The following OXR1 variants were observed in gnomAD, a reference collection of about 807,000 sequenced individuals.
OXR1 encodes oxidation resistance protein 1.
In OXR1, 41 loss-of-function variants were observed where a neutral mutation model predicts 104.6. That is an observed-to-expected ratio of 0.39 (90% CI 0.31 to 0.51). The LOEUF (loss-of-function observed/expected upper bound fraction) is 0.51, where lower values mean the gene tolerates loss of function less well. OXR1 is among the 20% of genes least tolerant of loss of function. The probability of loss-of-function intolerance (pLI) is 0.77; values close to 1 mark genes in which losing one functional copy is unlikely to be tolerated. For synonymous variants in OXR1, 348 were observed against 348.4 expected (o/e 1.00, Z 0.01); for missense variants, 955 against 1,031.9 (o/e 0.93, Z 1.02).
chr8:106,681,008 A>T (rs1408481879), intron 4 of OXR1, among the ~76,000 whole-genome samples: 1 of 152,120 alleles, frequency 6.6e-6, no homozygotes, highest in Non-Finnish European at 1.5e-5. Context: ...TCTTAGTTGA[A>T]ATCTTGTACC....
chr8:106,535,538 A>G lies in OXR1; in HGVS notation c.220+16399A>G, dbSNP rs898992025. On this transcript the variant is annotated intron_variant, in intron 3 of 16. Coordinates refer to ENST00000517566, the MANE Select transcript of OXR1 (RefSeq NM_001198533.2). The stretch of plus-strand genomic sequence containing the variant: ...AATGTAAACACAAAGCCCCAAGGAG[A>G]TAAATCTCTGTTTCTCTCCTGAGCT... Among the ~76,000 whole-genome samples, 3 of 152,186 alleles carry G rather than the reference A, an allele frequency of 2.0e-5. No individual in the cohort carries two copies. In the East Asian group the frequency reaches 5.8e-4, roughly 29 times the overall value.
At chr8:106,487,757 AT>A (rs1380030677) in intron 2 of OXR1, among the ~76,000 whole-genome samples, 2 of 151,158 alleles carry the variant, frequency 1.3e-5, no homozygotes, top group East Asian at 2.0e-4. Context: ...TGAACTCATC[AT>A]TTTTTCTGGC....
chr8:106,368,990 A>G (rs138661357), intron 2 of OXR1, among the ~76,000 whole-genome samples: 40 of 152,318 alleles, frequency 2.6e-4, no homozygotes, highest in African/African-American at 8.7e-4. Flanking sequence ...GTCTTCCACA[A>G]TGGTTGAACT....
intron 2 of OXR1, chr8:106,447,895 G>A (rs1820081872): frequency 6.6e-7 from 1 of 1,504,112 alleles, no homozygotes; most frequent in Non-Finnish European, 8.9e-7. Context: ...CCAACAGCCG[G>A]GCTCCTGGCG....
rs1254567422 is a variant in OXR1 at position 106,703,164 on chromosome 8, A to AT, written c.860+79dup. 7.6e-6 allele frequency: 7 copies of AT among 919,450 alleles called. No individual in the cohort carries two copies. In the Admixed American group the frequency reaches 1.7e-4, roughly 23 times the overall value. 57.0% of individuals were successfully genotyped at this position (919,450 alleles called of 1,614,324 possible). On this transcript the variant is annotated intron_variant, in intron 8 of 16. Transcript: ENST00000517566. The stretch of plus-strand genomic sequence containing the variant: ...TTGACCCTTGTCTAATACCTTAACT[A>AT]TTTTTACTAGTTTTCTTATAGCTGC...
intron 3 of OXR1, among the ~76,000 whole-genome samples, chr8:106,627,043 A>G (rs1822231646): frequency 6.6e-6 from 1 of 152,118 alleles, no homozygotes; most frequent in Non-Finnish European, 1.5e-5. Flanking sequence ...CTCAAAGTAC[A>G]TGCACATGTT....
chr8:106,362,424 C>T (rs1188968688), intron 2 of OXR1, among the ~76,000 whole-genome samples: 1 of 152,088 alleles, frequency 6.6e-6, no homozygotes, highest in Non-Finnish European at 1.5e-5. Flanking sequence ...ATTCTCCCAG[C>T]TTTTAAATAC....
At chr8:106,346,308 C>T (rs1257205587) in intron 1 of OXR1, among the ~76,000 whole-genome samples, 1 of 152,044 alleles carries the variant, frequency 6.6e-6, no homozygotes, top group Non-Finnish European at 1.5e-5. Flanking sequence ...AAACTAAAAC[C>T]TCTCTACTTG....
At chr8:106,355,940 A>G (rs2130323633) in intron 1 of OXR1, among the ~76,000 whole-genome samples, 1 of 152,268 alleles carries the variant, frequency 6.6e-6, no homozygotes, top group Non-Finnish European at 1.5e-5. Context: ...ACAGAGTTAA[A>G]CAGCTGCGAG....
intron 3 of OXR1, among the ~76,000 whole-genome samples, chr8:106,639,810 C>A (rs1044032971): frequency 1.3e-5 from 2 of 152,110 alleles, no homozygotes; most frequent in Non-Finnish European, 2.9e-5. Flanking sequence ...ATTCCAGATG[C>A]TCCTAGAATA....
rs907633732 is a variant in OXR1, at chr8:106,442,696, A to G, written c.24-76247A>G. Among the ~76,000 whole-genome samples the G allele has an allele frequency of 7.2e-5, 11 of 152,046 alleles. No homozygotes were observed. In the East Asian group the frequency reaches 1.7e-3, roughly 24 times the overall value. ...CCATTTCTTCTAGATTTTCTAGTTT[A>G]TTTGCATAGAAGTGTTTATAGTATT... On this transcript the variant is annotated intron_variant, in intron 2 of 16. Coordinates refer to ENST00000517566, the MANE Select transcript of OXR1 (RefSeq NM_001198533.2).
chr8:106,450,758 AGGGT>A lies in OXR1; in HGVS notation c.24-68183_24-68180del, dbSNP rs1464820255. ...CTTTCATTTTACAGAGCTCTGAAAG[AGGGT>A]GCTTTTTTTTTTTTTAAGTTTTAGT... On this transcript the variant is annotated intron_variant, in intron 2 of 16. Transcript: ENST00000517566. Among the ~76,000 whole-genome samples the A allele has an allele frequency of 4.1e-5, 5 of 122,432 alleles. No homozygotes were observed. The South Asian group carries it at 1.3e-3, about 32-fold the overall frequency. The allele number at this position is 122,432 out of a possible 152,430, so 80.3% of individuals were successfully genotyped here.
At chr8:106,678,031 A>G (rs891922233) in intron 3 of OXR1, among the ~76,000 whole-genome samples, 11 of 152,092 alleles carry the variant, frequency 7.2e-5, no homozygotes, top group Non-Finnish European at 1.5e-4. Flanking sequence ...AAACCCAAAT[A>G]TTAACTTAAC....
chr8:106,409,013 A>C (rs1318032421), intron 2 of OXR1, among the ~76,000 whole-genome samples: 4 of 151,330 alleles, frequency 2.6e-5, no homozygotes, highest in African/African-American at 9.7e-5. Flanking sequence ...ATTCCCCCAT[A>C]CTCCCTTGTA....
chr8:106,650,395 A>T (rs1824465007), intron 3 of OXR1, among the ~76,000 whole-genome samples: 1 of 152,196 alleles, frequency 6.6e-6, no homozygotes. Context: ...AGGTATACTG[A>T]CTGCAGATGA....
chr8:106,680,805 C>T (rs1828075508), intron 4 of OXR1, among the ~76,000 whole-genome samples: 1 of 152,078 alleles, frequency 6.6e-6, no homozygotes, highest in Non-Finnish European at 1.5e-5. Context: ...TTATGGAAGC[C>T]TCTTACCAAT....
intron 2 of OXR1, among the ~76,000 whole-genome samples, chr8:106,517,552 T>C (rs1295718707): frequency 1.3e-5 from 2 of 148,724 alleles, no homozygotes; most frequent in Non-Finnish European, 3.0e-5. Context: ...TTTTCCAAAG[T>C]AATGTTACCA....
At chr8:106,739,075 T>TACAC (rs71307086) in intron 12 of OXR1, among the ~76,000 whole-genome samples, 6,821 of 141,534 alleles carry the variant, frequency 0.048, 211 homozygotes, top group South Asian at 0.074. Context: ...TTAAATAGCA[T>TACAC]ACACACACAC....
At chr8:106,327,423 T>C (rs1814516122) in intron 1 of OXR1, among the ~76,000 whole-genome samples, 1 of 152,220 alleles carries the variant, frequency 6.6e-6, no homozygotes. Flanking sequence ...TTATCTACCA[T>C]GCTAATTTCC....
Sources: gnomAD v4.1 joint callset for allele counts (sites outside exome capture counted in the v4.1 genomes callset) on GRCh38, gnomAD v4.1.1 for gene constraint, MANE v1.5 for transcripts, NCBI Gene and HGNC (gene_info 2026-07-23, HGNC 2026-07-21) for gene names.